ZKSCAN1: variants seen among roughly 807,000 people sequenced by gnomAD.
ZKSCAN1 encodes the protein zinc finger with KRAB and SCAN domains 1.
In ZKSCAN1, 14 loss-of-function variants were observed where a neutral mutation model predicts 51.6. The observed-to-expected ratio is 0.27, with a 90% confidence interval of 0.18 to 0.42. The LOEUF is 0.42. Ranked by LOEUF, ZKSCAN1 falls within the 10% of genes least tolerant of loss-of-function variation. The pLI is 1.00. For missense variants in ZKSCAN1, 531 were observed against 710.0 expected, an observed-to-expected ratio of 0.75 and a Z score of 2.86; for synonymous variants, 263 against 261.5, an observed-to-expected ratio of 1.01 and a Z score of -0.06.
chr7:100,040,480 TAG>T lies in ZKSCAN1; in HGVS notation c.*6286_*6287del. 1 of 985,490 alleles carries T rather than the reference TAG, an allele frequency of 1.0e-6. No individual in the cohort carries two copies. 61.0% of individuals were successfully genotyped at this position (985,490 alleles called of 1,614,324 possible). Reference sequence around the variant, plus strand: ...AGGAGTGAGGCTGAGTATTTTAAGATAGAGTGAGATCTGTGAGTGATTGAAAG... The same window carrying T: ...AGGAGTGAGGCTGAGTATTTTAAGATAGTGAGATCTGTGAGTGATTGAAAG... On this transcript the variant is annotated 3_prime_UTR_variant, in exon 6 of 6. Transcript: ENST00000324306.
At chr7:100,045,357 C>G (rs1478312725), downstream of ZKSCAN1, among the ~76,000 whole-genome samples, 2 of 151,110 alleles carry the variant, frequency 1.3e-5, no homozygotes, top group Non-Finnish European at 1.5e-5. Flanking sequence ...ACCATCCTGC[C>G]CAACATGGTG....
rs751028310 is a variant in ZKSCAN1 at position 100,033,007 on chromosome 7, CAAAA to C, written c.800-287_800-284del. On this transcript the variant is annotated intron_variant, in intron 5 of 5. Coordinates refer to ENST00000324306, the MANE Select transcript of ZKSCAN1 (RefSeq NM_003439.4). The surrounding 1 kb of genome is among the most constrained non-coding windows in gnomAD (Gnocchi z 4.1). ...TGGGTAACAGAGCAAGACTCCATCT[CAAAA>C]AAAAAAAAAAGTTACCCGGGCGTGG... 1.5e-5 allele frequency among the ~76,000 whole-genome samples: 2 copies of C among 132,342 alleles called. No homozygotes were observed. Among genetic ancestry groups the C allele is most frequent in the African/African-American group, 5.6e-5 (2 of 35,552 alleles). 86.8% of individuals were successfully genotyped at this position (132,342 alleles called of 152,430 possible). A position where few individuals can be genotyped will look rare whatever the true frequency, so the allele number is the denominator to read the frequency against.
intron 1 of ZKSCAN1, among the ~76,000 whole-genome samples, chr7:100,021,125 T>TA (rs1189785240): frequency 2.1e-5 from 3 of 140,418 alleles, no homozygotes; most frequent in Non-Finnish European, 3.1e-5. Context: ...CCTTTTTTTT[T>TA]TTTTTTTTTT....
chr7:100,023,055 G>A (rs1245151472), intron 1 of ZKSCAN1, among the ~76,000 whole-genome samples: 2 of 151,948 alleles, frequency 1.3e-5, no homozygotes, highest in Non-Finnish European at 2.9e-5. Flanking sequence ...TGTCTCCCAG[G>A]TAGGAAGTGC....
At chr7:100,045,132 A>G (rs1791686920), downstream of ZKSCAN1, among the ~76,000 whole-genome samples, 1 of 152,108 alleles carries the variant, frequency 6.6e-6, no homozygotes, top group South Asian at 2.1e-4. Flanking sequence ...ATAATCTCCC[A>G]GGCATGGTGG....
intron 3 of ZKSCAN1, among the ~76,000 whole-genome samples, chr7:100,027,024 C>CT (rs1239530339): frequency 6.6e-6 from 1 of 152,044 alleles, no homozygotes; most frequent in Non-Finnish European, 1.5e-5. Context: ...AGGCCAGGCG[C>CT]AGTGGCCCAC....
chr7:100,044,396 G>A (rs1791673023), downstream of ZKSCAN1, among the ~76,000 whole-genome samples: 1 of 152,030 alleles, frequency 6.6e-6, no homozygotes, highest in African/African-American at 2.4e-5. Flanking sequence ...AGCCGGGCAT[G>A]GTGGCTCACG....
chr7:100,023,017 T>C (rs1383514748), intron 1 of ZKSCAN1, among the ~76,000 whole-genome samples: 3 of 151,946 alleles, frequency 2.0e-5, no homozygotes, highest in Non-Finnish European at 2.9e-5. Context: ...TGTCAGGATT[T>C]TTTTTTTTTT....
chr7:100,042,065 T>C (rs1261852022), downstream of ZKSCAN1, among the ~76,000 whole-genome samples: 1 of 152,168 alleles, frequency 6.6e-6, no homozygotes, highest in Admixed American at 6.5e-5. Context: ...ATGCCTGTAA[T>C]CCCTGCAGTT....
Position 100,033,771 on chromosome 7 carries a change from G to C in ZKSCAN1, c.1266G>C (p.Leu422=). 1 of 1,614,202 alleles carries C rather than the reference G, an allele frequency of 6.2e-7. No individual in the cohort carries two copies. Among genetic ancestry groups the C allele is most frequent in the South Asian group, 1.1e-5 (1 of 91,088 alleles). ...TCAGTCTTAACTCCAACCTTGTCCT[G>C]CATCAGAGGATCCACACAGGAGAGA... ...KAFSLNSNLV[L]HQRIHTGEKP... Residue 422 remains leucine, a synonymous_variant, in exon 6 of 6, where the codon CTG becomes CTC. Coordinates refer to ENST00000324306, the MANE Select transcript of ZKSCAN1 (RefSeq NM_003439.4). The surrounding 1 kb of genome is among the most constrained non-coding windows in gnomAD (Gnocchi z 4.1).
chr7:100,023,953 T>C (rs1257080577), intron 2 of ZKSCAN1, 21 bp downstream of exon 2: 1 of 1,555,904 alleles, frequency 6.4e-7, no homozygotes, highest in Non-Finnish European at 8.6e-7. Context: ...GTGAAACCTA[T>C]TATGTGTGAG....
rs1248960626 is a variant in ZKSCAN1 at position 100,039,908 on chromosome 7, G to T, written c.*5711G>T. On this transcript the variant is annotated 3_prime_UTR_variant, in exon 6 of 6. Coordinates refer to ENST00000324306, the MANE Select transcript of ZKSCAN1 (RefSeq NM_003439.4). ...AATAGATCATTTCATAGAAATTAGG[G>T]TAGATTTTTATTTCAACTACTACTG... 1.0e-6 allele frequency: 1 copy of T among 982,176 alleles called. No homozygotes were observed. The highest frequency in any genetic ancestry group is 1.2e-6 in the Non-Finnish European group (1 of 827,362). 60.8% of individuals were successfully genotyped at this position (982,176 alleles called of 1,614,324 possible).
At position 100,033,432 on chromosome 7, in the gene ZKSCAN1, C is replaced by T; in HGVS notation, c.927C>T (p.Gly309=). 1 of 1,613,608 alleles carries T rather than the reference C, an allele frequency of 6.2e-7. No homozygotes were observed. The highest frequency in any genetic ancestry group is 8.5e-7 in the Non-Finnish European group (1 of 1,179,962). Reference sequence around the variant, plus strand: ...TTGGAGAGAAACGTGACCAGGAGGGCAAAACAGGAGAAAGACAGCAGAAAA... The same window carrying T: ...TTGGAGAGAAACGTGACCAGGAGGGTAAAACAGGAGAAAGACAGCAGAAAA... ...KEFGEKRDQE[G]KTGERQQKNP... is the part of the protein sequence containing the mutation. Residue 309 remains glycine, a synonymous_variant, in exon 6 of 6, where the codon GGC becomes GGT. Coordinates refer to ENST00000324306, the MANE Select transcript of ZKSCAN1 (RefSeq NM_003439.4). The surrounding 1 kb of genome is among the most constrained non-coding windows in gnomAD (Gnocchi z 4.1).
At chr7:100,044,878 C>T (rs1412652514), downstream of ZKSCAN1, 12 of 985,180 alleles carry the variant, frequency 1.2e-5, no homozygotes, top group South Asian at 5.2e-4. Context: ...CAGAGGCTTG[C>T]CCAGCCTGCT....
In ZKSCAN1 at chr7:100,040,221, G is replaced by C. The variant is rs7803317; in HGVS notation, c.*6024G>C. Reference sequence around the variant, plus strand: ...ACATGAGAATTGAATTTCATGATGTGTGGTTCCATTTAATAGCGGACACCA... The same window carrying C: ...ACATGAGAATTGAATTTCATGATGTCTGGTTCCATTTAATAGCGGACACCA... On this transcript the variant is annotated 3_prime_UTR_variant, in exon 6 of 6. Transcript: ENST00000324306. 2.4e-3 allele frequency: 2,355 copies of C among 985,188 alleles called. 39 individuals carry two copies. The African/African-American group carries it at 0.039, about 16-fold the overall frequency. 61.0% of individuals were successfully genotyped at this position (985,188 alleles called of 1,614,324 possible).
At chr7:100,027,211 G>A (rs1178113278) in intron 3 of ZKSCAN1, among the ~76,000 whole-genome samples, 2 of 151,366 alleles carry the variant, frequency 1.3e-5, no homozygotes, top group Non-Finnish European at 2.9e-5. Flanking sequence ...ACACAAGAAC[G>A]CTTGAACCCG....
At chr7:100,030,108 C>G in intron 4 of ZKSCAN1, 141 bp from the exon 5 acceptor site, 2 of 1,428,368 alleles carry the variant, frequency 1.4e-6, no homozygotes, top group East Asian at 2.3e-5. Flanking sequence ...ACAAACTCCC[C>G]TCCACCCCCA....
In ZKSCAN1 at chr7:100,023,902, A is replaced by G; in HGVS notation, c.396A>G (p.Glu132=). ...DSGEEAVTLL[E]DLELDLSGQQ... is the part of the protein sequence containing the mutation. ...GAGAGGAGGCCGTGACCCTTCTAGA[A>G]GACTTGGAGCTTGATTTATCAGGAC... Residue 132 remains glutamate, a synonymous_variant, in exon 2 of 6, where the codon GAA becomes GAG. Transcript: ENST00000324306. The G allele has an allele frequency of 6.2e-7, 1 of 1,601,962 alleles. No homozygotes were observed. Among genetic ancestry groups the G allele is most frequent in the Non-Finnish European group, 8.5e-7 (1 of 1,176,488 alleles).
chr7:100,020,079 A>C (rs1416439218), intron 1 of ZKSCAN1, among the ~76,000 whole-genome samples: 1 of 152,150 alleles, frequency 6.6e-6, no homozygotes, highest in African/African-American at 2.4e-5. Flanking sequence ...AAAATGCTTA[A>C]ATACCCGGTA....
Sources: allele counts gnomAD v4.1 joint callset (sites outside exome capture counted in the v4.1 genomes callset), GRCh38; gene constraint gnomAD v4.1.1; non-coding constraint Gnocchi (gnomAD v3.1); transcripts MANE v1.5; gene names NCBI Gene and HGNC (gene_info 2026-07-23, HGNC 2026-07-21).